Variants in LDLRAD4 observed in about 807,000 individuals in gnomAD.
The protein encoded by LDLRAD4 is low density lipoprotein receptor class A domain containing 4.
Under a neutral mutation model 17.0 loss-of-function variants are expected in LDLRAD4, and 5 were observed. The ratio of observed to expected loss-of-function variants is 0.29; its 90% CI spans 0.15 to 0.62. LDLRAD4 has a LOEUF of 0.62. Among genes scored for constraint, LDLRAD4 ranks in the 20% least tolerant of loss-of-function variants. The pLI, the probability that LDLRAD4 is intolerant of heterozygous loss-of-function variation, is 0.84. For synonymous variants in LDLRAD4, 168 were observed against 171.8 expected (o/e 0.98, Z 0.17); for missense variants, 340 against 424.7 (o/e 0.80, Z 1.75).
intron 2 of LDLRAD4, among the ~76,000 whole-genome samples, chr18:13,431,809 C>T (rs1305678893): frequency 6.6e-6 from 1 of 152,206 alleles, no homozygotes; most frequent in Non-Finnish European, 1.5e-5. Flanking sequence ...GTTTCAGCAG[C>T]ACCACTTAAG....
chr18:13,495,739 G>A (rs764176824), intron 3 of LDLRAD4, among the ~76,000 whole-genome samples: 2 of 152,062 alleles, frequency 1.3e-5, no homozygotes, highest in Non-Finnish European at 1.5e-5. Context: ...GCCCAGCCCT[G>A]TCTTTTGGAA....
Position 13,528,719 on chromosome 18 carries a change from C to G in LDLRAD4, c.181+90335C>G, listed in dbSNP as rs189693895. On this transcript the variant is annotated intron_variant, in intron 3 of 5. Transcript: ENST00000359446. Reference sequence around the variant, plus strand: ...CCACTTTCAAAAAGAATAGTTTGCTCTTCTACAACTAGCTTGTTGCAGAGT... The same window carrying G: ...CCACTTTCAAAAAGAATAGTTTGCTGTTCTACAACTAGCTTGTTGCAGAGT... 3.7e-3 allele frequency among the ~76,000 whole-genome samples: 564 copies of G among 152,340 alleles called. 1 individual carries two copies. Among genetic ancestry groups the G allele is most frequent in the African/African-American group, 0.012 (519 of 41,556 alleles).
intron 3 of LDLRAD4, among the ~76,000 whole-genome samples, chr18:13,534,513 G>C (rs969648434): frequency 1.3e-5 from 2 of 151,806 alleles, no homozygotes; most frequent in African/African-American, 4.8e-5. Flanking sequence ...GGACGAAAAG[G>C]CTTTATAATC....
At chr18:13,611,743 A>AG in intron 3 of LDLRAD4, 1 of 985,444 alleles carries the variant, frequency 1.0e-6, no homozygotes, top group Non-Finnish European at 1.2e-6. Flanking sequence ...TAATGATGTG[A>AG]GGCAGAGGGA....
intron 1 of LDLRAD4, among the ~76,000 whole-genome samples, chr18:13,349,203 G>C (rs1016490295): frequency 6.6e-6 from 1 of 152,098 alleles, no homozygotes; most frequent in African/African-American, 2.4e-5. Context: ...TTCCTATTTG[G>C]CTATCTTGGC....
At chr18:13,476,113 G>C (rs11080658) in intron 3 of LDLRAD4, among the ~76,000 whole-genome samples, 8,292 of 152,132 alleles carry the variant, frequency 0.055, 302 homozygotes, top group East Asian at 0.12. Flanking sequence ...TTTAAAACTC[G>C]GTATGTTGGC....
chr18:13,536,411 T>A (rs1182012491), intron 3 of LDLRAD4, among the ~76,000 whole-genome samples: 1 of 152,202 alleles, frequency 6.6e-6, no homozygotes, highest in African/African-American at 2.4e-5. Flanking sequence ...AAAATTTTCA[T>A]TTTAAGTCAC....
chr18:13,558,561 T>C (rs934277331), intron 3 of LDLRAD4, among the ~76,000 whole-genome samples: 4 of 152,258 alleles, frequency 2.6e-5, no homozygotes, highest in Non-Finnish European at 5.9e-5. Flanking sequence ...TGCTGGGATA[T>C]GGGTAGCAAA....
chr18:13,437,360 G>T (rs1231804629), intron 2 of LDLRAD4, among the ~76,000 whole-genome samples: 1 of 152,248 alleles, frequency 6.6e-6, no homozygotes, highest in Non-Finnish European at 1.5e-5. Context: ...CACTCAGAAT[G>T]CAGGATGACA....
intron 3 of LDLRAD4, among the ~76,000 whole-genome samples, chr18:13,494,670 A>ATATAT (rs376547861): frequency 1.9e-4 from 4 of 21,056 alleles, no homozygotes; most frequent in South Asian, 2.4e-3. Context: ...AGACATATTT[A>ATATAT]ATAATATAAT....
chr18:13,412,664 G>A (rs1337059346), intron 2 of LDLRAD4, among the ~76,000 whole-genome samples: 4 of 152,154 alleles, frequency 2.6e-5, no homozygotes, highest in Admixed American at 6.5e-5. Flanking sequence ...ATATAATTAC[G>A]GTGGTGAGAA....
chr18:13,536,591 C>A (rs143760782), intron 3 of LDLRAD4, among the ~76,000 whole-genome samples: 5 of 151,852 alleles, frequency 3.3e-5, no homozygotes, highest in Non-Finnish European at 5.9e-5. Flanking sequence ...TTTTTCCCAG[C>A]CTGTATGCCT....
At chr18:13,565,396 C>CCT (rs1568346845) in intron 3 of LDLRAD4, among the ~76,000 whole-genome samples, 2 of 140,094 alleles carry the variant, frequency 1.4e-5, no homozygotes, top group African/African-American at 5.2e-5. Context: ...GGCCAGGGCC[C>CCT]GGCCGTGCTG....
At chr18:13,642,028 C>T (rs527320851) in intron 4 of LDLRAD4, 2 of 985,448 alleles carry the variant, frequency 2.0e-6, no homozygotes, top group African/African-American at 1.7e-5. Flanking sequence ...CCCGCTGGCG[C>T]CGGACCCCCG....
At chr18:13,516,603 C>T (rs2093870974) in intron 3 of LDLRAD4, among the ~76,000 whole-genome samples, 1 of 152,202 alleles carries the variant, frequency 6.6e-6, no homozygotes, top group East Asian at 1.9e-4. Context: ...CAGAGCGGCA[C>T]TTCAAGTGGA....
chr18:13,536,865 C>T (rs2094207560), intron 3 of LDLRAD4, among the ~76,000 whole-genome samples: 1 of 152,038 alleles, frequency 6.6e-6, no homozygotes, highest in Non-Finnish European at 1.5e-5. Flanking sequence ...ACTTTTTCTG[C>T]ATCTATTGAA....
chr18:13,599,635 C>T (rs9748893), intron 3 of LDLRAD4, among the ~76,000 whole-genome samples: 4,739 of 151,916 alleles, frequency 0.031, 161 homozygotes, highest in African/African-American at 0.084. Flanking sequence ...GGACTACAGG[C>T]GCCCGCCACC....
intron 1 of LDLRAD4, among the ~76,000 whole-genome samples, chr18:13,291,483 C>T (rs1468928759): frequency 2.0e-5 from 3 of 152,134 alleles, no homozygotes; most frequent in African/African-American, 7.2e-5. Flanking sequence ...GATGATCGGG[C>T]TGTGGTTGCA....
At chr18:13,644,738 ACTG>A in intron 5 of LDLRAD4, 1 of 188,958 alleles carries the variant, frequency 5.3e-6, no homozygotes, top group Non-Finnish European at 1.1e-5. Flanking sequence ...GGACGATGTC[ACTG>A]GTGACCAGAT....
Sources: allele counts gnomAD v4.1 joint callset (sites outside exome capture counted in the v4.1 genomes callset), GRCh38; gene constraint gnomAD v4.1.1; transcripts MANE v1.5; gene names NCBI Gene and HGNC (gene_info 2026-07-23, HGNC 2026-07-21).